Variants in TRHDE observed in about 807,000 individuals in gnomAD.
TRHDE encodes thyrotropin releasing hormone degrading enzyme.
A neutral mutation model predicts 125.7 loss-of-function variants in TRHDE; 72 were observed. The ratio of observed to expected loss-of-function variants is 0.57; its 90% CI spans 0.47 to 0.70. The LOEUF is 0.70. Ranked by LOEUF, TRHDE falls within the 30% of genes least tolerant of loss-of-function variation. TRHDE has a pLI of 0.00. For synonymous variants in TRHDE, 509 were observed against 509.1 expected, an observed-to-expected ratio of 1.00 and a Z score of 0.00; for missense variants, 1,110 against 1,327.1, an observed-to-expected ratio of 0.84 and a Z score of 2.54.
At chr12:72,640,245 C>T (rs563437301) in intron 15 of TRHDE, among the ~76,000 whole-genome samples, 210 of 152,324 alleles carry the variant, frequency 1.4e-3, no homozygotes, top group East Asian at 6.0e-3. Flanking sequence ...GCACAGTATT[C>T]GGGTGGGAGT....
chr12:72,181,103 G>A (rs1056917807), intron 2 of TRHDE, among the ~76,000 whole-genome samples: 13 of 152,166 alleles, frequency 8.5e-5, no homozygotes, highest in African/African-American at 2.4e-4. Flanking sequence ...TTTTCCTGGC[G>A]GCACCATTGG....
At chr12:72,487,514 C>G (rs1338780931) in intron 5 of TRHDE, among the ~76,000 whole-genome samples, 1 of 151,986 alleles carries the variant, frequency 6.6e-6, no homozygotes, top group African/African-American at 2.4e-5. Context: ...AATAAAAACC[C>G]TTTTAGACAA....
chr12:72,259,536 G>C (rs1410268665), intron 2 of TRHDE, among the ~76,000 whole-genome samples: 1 of 152,106 alleles, frequency 6.6e-6, no homozygotes, highest in Non-Finnish European at 1.5e-5. Context: ...GTTGCTCCCA[G>C]GTCCCTTCAA....
In TRHDE at chr12:72,309,346, T is replaced by A. The variant is rs554327965; in HGVS notation, c.1188+22392T>A. 2.8e-4 allele frequency among the ~76,000 whole-genome samples: 42 copies of A among 152,298 alleles called. No individual in the cohort carries two copies. In the East Asian group the frequency reaches 4.6e-3, roughly 17 times the overall value. ...CAGACACAATTAAGGGAAGGATTTT[T>A]AAAAATTTTTGCATGTGTTATGTGC... On this transcript the variant is annotated intron_variant, in intron 2 of 18. Coordinates refer to ENST00000261180, the MANE Select transcript of TRHDE (RefSeq NM_013381.3).
chr12:72,663,289 C>T lies in TRHDE; in HGVS notation c.*94C>T. The T allele has an allele frequency of 2.8e-6, 3 of 1,065,374 alleles. No individual in the cohort carries two copies. Among genetic ancestry groups the T allele is most frequent in the Non-Finnish European group, 2.5e-6 (2 of 794,714 alleles). The allele number at this position is 1,065,374 out of a possible 1,614,324, so 66.0% of individuals were successfully genotyped here. On this transcript the variant is annotated 3_prime_UTR_variant, in exon 19 of 19. Transcript: ENST00000261180. ...GGAAAATGTACTACCTAGAAAATGG[C>T]CAGATTTTCAGTGTTAACGTGTGGG...
intron 9 of TRHDE, 126 bp downstream of exon 9, chr12:72,563,166 A>C (rs893582613): frequency 4.3e-6 from 3 of 705,508 alleles, no homozygotes; most frequent in Admixed American, 6.9e-5. Context: ...TTGTTTCTTT[A>C]TTTACACAAG....
chr12:72,151,278 G>A (rs1418106414), intron 2 of TRHDE, among the ~76,000 whole-genome samples: 4 of 151,868 alleles, frequency 2.6e-5, no homozygotes, highest in Non-Finnish European at 5.9e-5. Context: ...TGAGTGCATT[G>A]TAGATTCTGG....
At position 72,273,137 on chromosome 12, in the gene TRHDE, C is replaced by A; in HGVS notation, c.494C>A (p.Thr165Lys). The change falls in exon 1 of 19, where the codon ACG becomes AAG. Residue 165 changes from threonine (T) to lysine (K), a missense_variant. Physicochemically the swap from Thr to Lys is moderately conservative, Grantham distance 78 (BLOSUM62 -1). Around this residue, in one of 5 missense-constraint regions of TRHDE, gnomAD observed 248 missense variants for 240.8 expected, o/e 1.03. Coordinates refer to ENST00000261180, the MANE Select transcript of TRHDE (RefSeq NM_013381.3). The surrounding 1 kb of genome is among the most constrained non-coding windows in gnomAD (Gnocchi z 5.3). ...EAGGVASPGTTSAQPPSEEER... is the reference protein window; with the variant it reads ...EAGGVASPGTKSAQPPSEEER... Reference sequence around the variant, plus strand: ...GGTGGGGTGGCCAGTCCGGGGACCACGTCGGCCCAGCCGCCGTCGGAGGAG... The same window carrying A: ...GGTGGGGTGGCCAGTCCGGGGACCAAGTCGGCCCAGCCGCCGTCGGAGGAG... 6.4e-7 allele frequency: 1 copy of A among 1,556,734 alleles called. No individual in the cohort carries two copies. The highest frequency in any genetic ancestry group is 1.8e-5 in the Admixed American group (1 of 56,540).
At chr12:72,589,810 ATTAGAG>A (rs1192476221) in intron 12 of TRHDE, among the ~76,000 whole-genome samples, 1 of 151,914 alleles carries the variant, frequency 6.6e-6, no homozygotes, top group Non-Finnish European at 1.5e-5. Context: ...GATTCTTTTA[ATTAGAG>A]TTAATTTGTT....
At chr12:72,614,330 A>ATATATATT (rs531067163) in intron 12 of TRHDE, among the ~76,000 whole-genome samples, 8 of 129,856 alleles carry the variant, frequency 6.2e-5, no homozygotes, top group East Asian at 2.2e-4. Flanking sequence ...ATATATATAT[A>ATATATATT]TTTTTTTTTT....
intron 12 of TRHDE, among the ~76,000 whole-genome samples, chr12:72,614,941 A>G (rs1436300509): frequency 6.6e-6 from 1 of 152,138 alleles, no homozygotes; most frequent in Non-Finnish European, 1.5e-5. Flanking sequence ...TATAAAATAC[A>G]TTATATCTTG....
At chr12:72,288,013 A>C (rs1468247176) in intron 2 of TRHDE, among the ~76,000 whole-genome samples, 2 of 151,808 alleles carry the variant, frequency 1.3e-5, no homozygotes, top group Non-Finnish European at 2.9e-5. Flanking sequence ...TAACTTGTCC[A>C]GGGGCTAAAC....
At chr12:72,498,774 G>A (rs1878022271) in intron 5 of TRHDE, among the ~76,000 whole-genome samples, 1 of 152,154 alleles carries the variant, frequency 6.6e-6, no homozygotes, top group Non-Finnish European at 1.5e-5. Flanking sequence ...GTCTCAACAT[G>A]CAGAGAATGG....
intron 2 of TRHDE, among the ~76,000 whole-genome samples, chr12:72,344,707 C>A (rs1268851979): frequency 6.6e-6 from 1 of 151,916 alleles, no homozygotes; most frequent in Non-Finnish European, 1.5e-5. Context: ...TCCTGGATTG[C>A]CCCTAATACA....
intron 12 of TRHDE, among the ~76,000 whole-genome samples, chr12:72,608,013 T>C (rs1000787892): frequency 6.6e-6 from 1 of 152,166 alleles, no homozygotes; most frequent in Non-Finnish European, 1.5e-5. Flanking sequence ...GCTCTACATT[T>C]AGATAATTAT....
chr12:72,304,317 T>C (rs1393957455), intron 2 of TRHDE, among the ~76,000 whole-genome samples: 1 of 152,170 alleles, frequency 6.6e-6, no homozygotes, highest in Non-Finnish European at 1.5e-5. Flanking sequence ...GTTTTCTTAA[T>C]TGTAAATGAG....
chr12:72,653,193 A>C (rs1472338867), intron 17 of TRHDE, 37 bp downstream of exon 17: 22 of 1,576,522 alleles, frequency 1.4e-5, no homozygotes, highest in Non-Finnish European at 1.8e-5. Flanking sequence ...GAGTAAATTA[A>C]AGCCGACATA....
chr12:72,380,338 A>G (rs1038899328), intron 3 of TRHDE, among the ~76,000 whole-genome samples: 1 of 152,246 alleles, frequency 6.6e-6, no homozygotes, highest in Non-Finnish European at 1.5e-5. Context: ...TAACATTTGT[A>G]GCATATCAGA....
At chr12:72,268,263 T>C (rs1255770363), upstream of TRHDE, among the ~76,000 whole-genome samples, 3 of 152,146 alleles carry the variant, frequency 2.0e-5, no homozygotes, top group African/African-American at 7.2e-5. Context: ...GATTTGTTTG[T>C]TTCCCCCTGT....
Sources: allele counts gnomAD v4.1 joint callset (sites outside exome capture counted in the v4.1 genomes callset), GRCh38; gene constraint gnomAD v4.1.1; regional missense constraint gnomAD v4.1.1; non-coding constraint Gnocchi (gnomAD v3.1); transcripts MANE v1.5; gene names NCBI Gene and HGNC (gene_info 2026-07-23, HGNC 2026-07-21).